Variants in SMARCA1 observed in about 807,000 individuals in gnomAD.
The protein encoded by SMARCA1 is SWI/SNF-related matrix-associated actin-dependent regulator of chromatin subfamily A member 1.
SMARCA1 carries 17 observed loss-of-function variants against 93.6 expected under a neutral mutation model. The ratio of observed to expected loss-of-function variants is 0.18; its 90% CI spans 0.12 to 0.27. SMARCA1 has a LOEUF of 0.27. SMARCA1 is among the 10% of genes least tolerant of loss of function. The pLI is 1.00. For missense variants in SMARCA1, 630 were observed against 819.0 expected (o/e 0.77, Z 2.82); for synonymous variants, 271 against 271.4 (o/e 1.00, Z 0.01).
chrX:129,456,555 C>T (rs1932632112), intron 23 of SMARCA1, among the ~76,000 whole-genome samples: 1 of 112,349 alleles, frequency 8.9e-6, no homozygotes, highest in Admixed American at 9.4e-5. Flanking sequence ...AAGGATTCAT[C>T]GTTCTAGATG....
intron 23 of SMARCA1, among the ~76,000 whole-genome samples, chrX:129,461,233 G>A (rs1313855077): frequency 8.9e-6 from 1 of 111,752 alleles, no homozygotes; most frequent in East Asian, 2.8e-4. Context: ...AATCTCCCCA[G>A]AGGTTAAAAG....
intron 10 of SMARCA1, among the ~76,000 whole-genome samples, chrX:129,499,033 AAAGC>A (rs1164038928): frequency 9.2e-6 from 1 of 108,147 alleles, no homozygotes; most frequent in Non-Finnish European, 1.9e-5. Flanking sequence ...ACTGAAGGAA[AAAGC>A]AAGAATGCTT....
intron 19 of SMARCA1, among the ~76,000 whole-genome samples, chrX:129,478,009 T>C (rs182369402): frequency 1.8e-5 from 2 of 111,455 alleles, no homozygotes; most frequent in Non-Finnish European, 3.8e-5. Flanking sequence ...CTCAAGACCT[T>C]TGCATATGAG....
chrX:129,496,778 T>C lies in SMARCA1; in HGVS notation c.1598A>G (p.Asp533Gly). The C allele has an allele frequency of 8.3e-7, 1 of 1,206,149 alleles. No homozygotes were observed. Among genetic ancestry groups the C allele is most frequent in the Non-Finnish European group, 1.1e-6 (1 of 891,165 alleles). The change falls in exon 12 of 25, where the codon GAT (aspartate) becomes GGT (glycine). Residue 533 changes from aspartate (D) to glycine (G), a missense_variant. Around this residue, in one of 4 missense-constraint regions of SMARCA1, gnomAD observed 382 missense variants for 537.9 expected, o/e 0.71. Transcript: ENST00000371121. ...TCTTTCTTCATGCGGGGTTTGTCCA[T>C]CCAGTCGACAATACTCATAACCACG... ...MWRGYEYCRL[D>G]GQTPHEERED...
At chrX:129,472,821 C>T (rs983552507) in intron 19 of SMARCA1, among the ~76,000 whole-genome samples, 2 of 111,961 alleles carry the variant, frequency 1.8e-5, no homozygotes, top group Non-Finnish European at 3.8e-5. Context: ...CTCCAATGAG[C>T]AGCATTTCCT....
chrX:129,453,018 C>T (rs942453238), intron 23 of SMARCA1, among the ~76,000 whole-genome samples: 8 of 111,373 alleles, frequency 7.2e-5, no homozygotes, highest in East Asian at 2.8e-4. Context: ...TGAGGTACCA[C>T]GAATCACAAC....
intron 1 of SMARCA1, among the ~76,000 whole-genome samples, chrX:129,521,176 G>A (rs1372744094): frequency 1.8e-5 from 2 of 111,646 alleles, no homozygotes; most frequent in Non-Finnish European, 3.8e-5. Context: ...GCGAGCCACC[G>A]CGCCCGGCTG....
chrX:129,467,915 A>T (rs1240057653), intron 21 of SMARCA1, among the ~76,000 whole-genome samples: 1 of 112,388 alleles, frequency 8.9e-6, no homozygotes, highest in African/African-American at 3.2e-5. Context: ...TCTAGATTCT[A>T]AACATCTTGT....
intron 1 of SMARCA1, among the ~76,000 whole-genome samples, chrX:129,522,044 A>T (rs1935410785): frequency 8.9e-6 from 1 of 111,893 alleles, no homozygotes; most frequent in South Asian, 3.7e-4. Context: ...CCTTTTTAAA[A>T]TTGCGATATG....
intron 19 of SMARCA1, among the ~76,000 whole-genome samples, chrX:129,474,239 C>T (rs1933272046): frequency 1.8e-5 from 2 of 111,604 alleles, no homozygotes; most frequent in African/African-American, 6.5e-5. Context: ...AGTACAGATA[C>T]AGTTTTAAAA....
In SMARCA1 at chrX:129,495,122, C is replaced by T. The variant is rs1243375870; in HGVS notation, c.1626+1628G>A. 4.5e-5 allele frequency among the ~76,000 whole-genome samples: 5 copies of T among 112,108 alleles called. No homozygotes were observed. In the East Asian group the frequency reaches 1.1e-3, roughly 25 times the overall value. On this transcript the variant is annotated intron_variant, in intron 12 of 24. Coordinates refer to ENST00000371121, the MANE Select transcript of SMARCA1 (RefSeq NM_001282874.2). ...GGTCCCAGTGTGAGTGGTGTGTGTG[C>T]GAGCATGCCCTGTGATGGAATGGCA...
At chrX:129,488,286 C>CA (rs34476497) in intron 16 of SMARCA1, among the ~76,000 whole-genome samples, 6,480 of 46,352 alleles carry the variant, frequency 0.14, 440 homozygotes, top group East Asian at 0.39. Flanking sequence ...TAGTCCAGTG[C>CA]AAAAAAAAAA....
intron 19 of SMARCA1, among the ~76,000 whole-genome samples, chrX:129,478,486 T>G (rs1323136895): frequency 9.0e-6 from 1 of 111,339 alleles, no homozygotes; most frequent in Non-Finnish European, 1.9e-5. Flanking sequence ...TTTCCTCTAT[T>G]CTTATACCTC....
intron 23 of SMARCA1, among the ~76,000 whole-genome samples, chrX:129,460,377 G>C (rs1203539301): frequency 9.0e-6 from 1 of 110,674 alleles, no homozygotes; most frequent in Non-Finnish European, 1.9e-5. Context: ...GCCGGGCACG[G>C]TGTCTCATGC....
intron 17 of SMARCA1, among the ~76,000 whole-genome samples, chrX:129,484,609 A>G (rs1933817986): frequency 8.9e-6 from 1 of 112,203 alleles, no homozygotes; most frequent in African/African-American, 3.2e-5. Context: ...ACAGCTTTAT[A>G]GAGCAATTTG....
At chrX:129,457,889 C>T (rs1022436695) in intron 23 of SMARCA1, among the ~76,000 whole-genome samples, 1 of 111,579 alleles carries the variant, frequency 9.0e-6, no homozygotes, top group African/African-American at 3.3e-5. Flanking sequence ...CCCCAAATAC[C>T]CCTCTTTAAG....
chrX:129,452,629 C>CT (rs1932364510), intron 23 of SMARCA1, among the ~76,000 whole-genome samples: 1 of 112,306 alleles, frequency 8.9e-6, no homozygotes, highest in Non-Finnish European at 1.9e-5. Context: ...CGTCCCAACT[C>CT]TATCTGAACA....
intron 23 of SMARCA1, among the ~76,000 whole-genome samples, chrX:129,451,932 T>G (rs987165112): frequency 9.0e-6 from 1 of 111,627 alleles, no homozygotes; most frequent in Admixed American, 9.5e-5. Context: ...CTCGATCTCC[T>G]GATCTTGTGA....
chrX:129,487,078 T>C lies in SMARCA1; in HGVS notation c.2157A>G (p.Arg719=). ...KMGESSLRNF[R]MDIEQSLYKF... is the part of the protein sequence containing the mutation. The stretch of plus-strand genomic sequence containing the variant: ...TGTATAAACTTTGTTCAATGTCCAT[T>C]CTAAAATTTCTTAGAGAAGACTCTC... Residue 719 remains arginine, a synonymous_variant, in exon 17 of 25, where the codon AGA becomes AGG. Coordinates refer to ENST00000371121, the MANE Select transcript of SMARCA1 (RefSeq NM_001282874.2). 9.5e-6 allele frequency: 11 copies of C among 1,161,626 alleles called. No individual in the cohort carries two copies. Among genetic ancestry groups the C allele is most frequent in the Non-Finnish European group, 1.2e-5 (10 of 853,611 alleles).
Sources: gnomAD v4.1 joint callset for allele counts (sites outside exome capture counted in the v4.1 genomes callset) on GRCh38, gnomAD v4.1.1 for gene constraint, gnomAD v4.1.1 regional missense constraint, MANE v1.5 for transcripts, NCBI Gene and HGNC (gene_info 2026-07-23, HGNC 2026-07-21) for gene names.